CUL4A: variants seen among roughly 807,000 people sequenced by gnomAD.
CUL4A encodes cullin 4A, also known as cullin-4A.
In CUL4A, 16 loss-of-function variants were observed where a neutral mutation model predicts 95.5. The observed-to-expected ratio is 0.17, with a 90% CI of 0.11 to 0.25. The LOEUF (loss-of-function observed/expected upper bound fraction) is 0.25, where lower values mean the gene tolerates loss of function less well. Among genes scored for constraint, CUL4A ranks in the 10% least tolerant of loss-of-function variants. The pLI is 1.00. For synonymous variants in CUL4A, 380 were observed against 353.1 expected (o/e 1.08, Z -0.85); for missense variants, 610 against 937.0 (o/e 0.65, Z 4.56).
rs2042344839 is a variant in CUL4A at position 113,263,554 on chromosome 13, A to G, written c.2252A>G (p.Asn751Ser). The change falls in exon 20 of 20, where the codon AAT becomes AGT. Residue 751 changes from asparagine to serine, a missense_variant. Physicochemically the swap from Asn to Ser is conservative, Grantham distance 46. Coordinates refer to ENST00000375440, the MANE Select transcript of CUL4A (RefSeq NM_001008895.4). The stretch of plus-strand genomic sequence containing the variant: ...GACTATATGGAGAGAGACAAAGACA[A>G]TCCGAATCAGTACCACTACGTGGCC... ...DRDYMERDKD[N>S]PNQYHYVA 2 of 1,605,232 alleles carry G rather than the reference A, an allele frequency of 1.2e-6. No individual in the cohort carries two copies. The highest frequency in any genetic ancestry group is 1.7e-5 in the Admixed American group (1 of 58,552).
chr13:113,209,209 C>G (rs924020356), upstream of CUL4A, among the ~76,000 whole-genome samples: 1 of 147,158 alleles, frequency 6.8e-6, no homozygotes, highest in African/African-American at 2.5e-5. Context: ...GGCGCGCGCC[C>G]CGGGGCCCTC....
chr13:113,223,047 AG>A (rs1360721517), intron 3 of CUL4A, among the ~76,000 whole-genome samples: 1 of 152,148 alleles, frequency 6.6e-6, no homozygotes, highest in Non-Finnish European at 1.5e-5. Context: ...GTAGAGTCTG[AG>A]GGGATGATGA....
upstream of CUL4A, chr13:113,209,076 G>C (rs1313298973): frequency 9.7e-6 from 2 of 206,388 alleles, no homozygotes; most frequent in Non-Finnish European, 1.7e-5. Context: ...GCGCTCCCGA[G>C]CTCTCATAAG....
At chr13:113,259,168 C>T (rs200710740) in intron 18 of CUL4A, among the ~76,000 whole-genome samples, 39 of 152,286 alleles carry the variant, frequency 2.6e-4, no homozygotes, top group East Asian at 9.6e-4. Context: ...AAATAATGAT[C>T]GTTTTGTCTG....
chr13:113,246,189 T>G, intron 15 of CUL4A, 126 bp downstream of exon 15: 2 of 687,068 alleles, frequency 2.9e-6, no homozygotes, highest in Non-Finnish European at 5.0e-6. Flanking sequence ...AAAATCAAAG[T>G]GCTCTTATGG....
intron 1 of CUL4A, 54 bp from the exon 2 acceptor site, chr13:113,209,919 C>A (rs531118540): frequency 1.4e-6 from 2 of 1,385,926 alleles, no homozygotes; most frequent in Non-Finnish European, 1.9e-6. Context: ...GGGGTGGCTA[C>A]GCGGGGCGCT....
chr13:113,252,738 G>A (rs1024628076), intron 15 of CUL4A, among the ~76,000 whole-genome samples: 6 of 152,180 alleles, frequency 3.9e-5, no homozygotes, highest in Non-Finnish European at 5.9e-5. Flanking sequence ...GGGCATGGCC[G>A]GGCTGAGACA....
At chr13:113,221,229 T>C (rs2040885262) in intron 3 of CUL4A, among the ~76,000 whole-genome samples, 1 of 152,226 alleles carries the variant, frequency 6.6e-6, no homozygotes, top group African/African-American at 2.4e-5. Context: ...ATTTGAATCT[T>C]TGTGGATACT....
chr13:113,219,223 T>G, intron 3 of CUL4A, 175 bp downstream of exon 3: 1 of 503,302 alleles, frequency 2.0e-6, no homozygotes, highest in Non-Finnish European at 3.5e-6. Context: ...TTTTGCTGAT[T>G]TGAATTAAAG....
At chr13:113,209,531 A>C, upstream of CUL4A, 2 of 609,284 alleles carry the variant, frequency 3.3e-6, no homozygotes, top group Non-Finnish European at 4.0e-6. Flanking sequence ...GGGGCGCGCG[A>C]GGAGGACGGG....
chr13:113,214,930 G>T (rs7985335), intron 2 of CUL4A, among the ~76,000 whole-genome samples: 90,772 of 140,996 alleles, frequency 0.64, 28,715 homozygotes, highest in Non-Finnish European at 0.73. Flanking sequence ...GGCTGTGGAG[G>T]TCGCTGTGTG....
At chr13:113,239,578 G>T in intron 10 of CUL4A, 27 bp downstream of exon 10, 1 of 1,557,562 alleles carries the variant, frequency 6.4e-7, no homozygotes, top group Non-Finnish European at 8.8e-7. Context: ...GAGGCCGCGG[G>T]CGTGGGCATT....
chr13:113,260,919 T>TA (rs752935204), intron 19 of CUL4A, among the ~76,000 whole-genome samples, 160 bp downstream of exon 19: 49 of 152,340 alleles, frequency 3.2e-4, no homozygotes, highest in Middle Eastern at 3.4e-3. Flanking sequence ...AGCTCTTTAT[T>TA]CCAGGTGTTG....
chr13:113,253,237 T>A, intron 16 of CUL4A, 42 bp downstream of exon 16: 1 of 1,093,362 alleles, frequency 9.1e-7, no homozygotes, highest in Non-Finnish European at 1.3e-6. Context: ...TTTGTAAATA[T>A]GTTAATATAA....
At chr13:113,229,663 T>TA in intron 5 of CUL4A, 144 bp downstream of exon 5, 1 of 672,680 alleles carries the variant, frequency 1.5e-6, no homozygotes, top group South Asian at 1.8e-5. Context: ...AACGTGAACG[T>TA]AGGAGTCCAG....
chr13:113,224,284 C>T (rs2041019375), intron 3 of CUL4A, among the ~76,000 whole-genome samples: 1 of 151,720 alleles, frequency 6.6e-6, no homozygotes, highest in Admixed American at 6.6e-5. Context: ...ACCCGGGAGG[C>T]AGATCTTGCA....
At position 113,259,600 on chromosome 13, in the gene CUL4A, G is replaced by A. The variant is rs1457469911; in HGVS notation, c.2032-1007G>A. Among the ~76,000 whole-genome samples the A allele has an allele frequency of 7.2e-5, 11 of 152,242 alleles. No individual in the cohort carries two copies. In the South Asian group the frequency reaches 2.1e-3, roughly 29 times the overall value. ...TGCCTTTTCAGCATCTATCAAGATG[G>A]TCATGTAATCTAACCTTTCAACTGC... On this transcript the variant is annotated intron_variant, in intron 18 of 19. Transcript: ENST00000375440.
chr13:113,234,202 C>T (rs544372059), intron 7 of CUL4A, among the ~76,000 whole-genome samples: 11 of 152,162 alleles, frequency 7.2e-5, no homozygotes, highest in African/African-American at 2.4e-4. Flanking sequence ...GCACTCCCCC[C>T]ACAAGTAAAA....
chr13:113,262,674 A>G (rs988092773), intron 19 of CUL4A, among the ~76,000 whole-genome samples: 9 of 152,210 alleles, frequency 5.9e-5, no homozygotes, highest in Non-Finnish European at 1.0e-4. Flanking sequence ...AATAAAATAC[A>G]CTACTTAGGC....
Sources: gnomAD v4.1 joint callset for allele counts (sites outside exome capture counted in the v4.1 genomes callset) on GRCh38, gnomAD v4.1.1 for gene constraint, MANE v1.5 for transcripts, NCBI Gene and HGNC (gene_info 2026-07-23, HGNC 2026-07-21) for gene names.